Variants in PHLDB2 observed in about 807,000 individuals in gnomAD.
The protein encoded by PHLDB2 is pleckstrin homology like domain family B member 2.
A neutral mutation model predicts 123.6 loss-of-function variants in PHLDB2; 71 were observed. The observed-to-expected ratio is 0.57, with a 90% CI of 0.47 to 0.70. PHLDB2 has a LOEUF of 0.70. Ranked by LOEUF, PHLDB2 falls within the 30% of genes least tolerant of loss-of-function variation. The pLI is 0.00. For missense variants in PHLDB2, 1,446 were observed against 1,519.5 expected (o/e 0.95, Z 0.80); for synonymous variants, 547 against 541.6 (o/e 1.01, Z -0.14).
chr3:111,904,953 A>G (rs1366929826), intron 2 of PHLDB2, among the ~76,000 whole-genome samples: 1 of 152,198 alleles, frequency 6.6e-6, no homozygotes, highest in East Asian at 1.9e-4. Context: ...TGAGAAATGC[A>G]TTGTTAGATG....
intron 2 of PHLDB2, among the ~76,000 whole-genome samples, chr3:111,909,996 A>G (rs1253764257): frequency 6.6e-6 from 1 of 152,042 alleles, no homozygotes; most frequent in Non-Finnish European, 1.5e-5. Context: ...TGTTAGTTAC[A>G]AGGGCCCTTG....
chr3:111,974,259 G>T (rs991328442), intron 17 of PHLDB2, among the ~76,000 whole-genome samples, 164 bp from the exon 18 acceptor site: 2 of 152,176 alleles, frequency 1.3e-5, no homozygotes, highest in African/African-American at 4.8e-5. Context: ...GGTCAATCCT[G>T]AAAAAGGCTC....
intron 5 of PHLDB2, among the ~76,000 whole-genome samples, chr3:111,922,891 G>C (rs2175907): frequency 0.37 from 55,718 of 151,696 alleles, 10,699 homozygotes; most frequent in East Asian, 0.7. Flanking sequence ...TTCCATCAAA[G>C]ACCACTCCCT....
intron 1 of PHLDB2, among the ~76,000 whole-genome samples, chr3:111,810,325 C>T (rs1188393587): frequency 6.6e-6 from 1 of 152,192 alleles, no homozygotes; most frequent in Non-Finnish European, 1.5e-5. Flanking sequence ...TCTTAATCTC[C>T]TCAGGCTGCC....
chr3:111,809,517 C>A (rs2061737253), intron 1 of PHLDB2, among the ~76,000 whole-genome samples: 2 of 152,164 alleles, frequency 1.3e-5, no homozygotes, highest in East Asian at 3.9e-4. Context: ...TCCACAAACA[C>A]CCACATACTT....
intron 1 of PHLDB2, among the ~76,000 whole-genome samples, chr3:111,869,787 T>C (rs1421769933): frequency 6.6e-6 from 1 of 152,224 alleles, no homozygotes; most frequent in Non-Finnish European, 1.5e-5. Context: ...TCTGAAAGAA[T>C]AAACAAGCCT....
chr3:111,775,312 C>G (rs1279357495), intron 1 of PHLDB2, among the ~76,000 whole-genome samples: 1 of 152,118 alleles, frequency 6.6e-6, no homozygotes, highest in East Asian at 1.9e-4. Flanking sequence ...CAGGTCTAAT[C>G]TATTCAGTTG....
At chr3:111,803,080 A>G (rs1313243695) in intron 1 of PHLDB2, among the ~76,000 whole-genome samples, 2 of 152,222 alleles carry the variant, frequency 1.3e-5, no homozygotes, top group East Asian at 3.8e-4. Flanking sequence ...AAAAGCAGAA[A>G]TGATCTATAT....
chr3:111,879,970 C>T (rs373429944), intron 1 of PHLDB2, among the ~76,000 whole-genome samples: 44 of 144,552 alleles, frequency 3.0e-4, no homozygotes, highest in African/African-American at 1.1e-3. Context: ...TATCTTGAAA[C>T]CCTTTACCCA....
At chr3:111,743,194 A>G (rs956795744) in intron 1 of PHLDB2, among the ~76,000 whole-genome samples, 1 of 152,180 alleles carries the variant, frequency 6.6e-6, no homozygotes, top group African/African-American at 2.4e-5. Context: ...AAATTACAAG[A>G]GTAGAGACAG....
At chr3:111,795,067 T>C (rs1169609794) in intron 1 of PHLDB2, among the ~76,000 whole-genome samples, 1 of 152,220 alleles carries the variant, frequency 6.6e-6, no homozygotes, top group African/African-American at 2.4e-5. Flanking sequence ...TATTCTCAAA[T>C]CTACCAGTTC....
chr3:111,913,489 T>G lies in PHLDB2; in HGVS notation c.1506T>G (p.Pro502=). ...ESVFEEALMS[P]DTRYRCHRKD... ...TGTTTGAGGAAGCCCTCATGAGCCC[T>G]GACACAAGATACAGGTGCCACCGGA... Residue 502 remains proline (P), a synonymous_variant, in exon 3 of 18, where the codon CCT becomes CCG. Transcript: ENST00000431670. The G allele has an allele frequency of 1.2e-6, 2 of 1,614,064 alleles. No individual in the cohort carries two copies. Among genetic ancestry groups the G allele is most frequent in the Non-Finnish European group, 1.7e-6 (2 of 1,180,008 alleles).
chr3:111,956,595 A>C lies in PHLDB2; in HGVS notation c.2872+2566A>C, dbSNP rs535411415. 1.1e-4 allele frequency among the ~76,000 whole-genome samples: 17 copies of C among 152,304 alleles called. No homozygotes were observed. In the East Asian group the frequency reaches 3.3e-3, roughly 29 times the overall value. On this transcript the variant is annotated intron_variant, in intron 12 of 17. Coordinates refer to ENST00000431670, the MANE Select transcript of PHLDB2 (RefSeq NM_001134438.2). ...CTCTTCCTCTTGAAGAGTTTCATGT[A>C]ATTCTGATGGGGCAGCTTCTGAGGA...
intron 1 of PHLDB2, among the ~76,000 whole-genome samples, chr3:111,739,159 G>A (rs919201686): frequency 3.3e-5 from 5 of 152,128 alleles, no homozygotes; most frequent in Admixed American, 3.3e-4. Flanking sequence ...AATTTATCTA[G>A]GGAGATCATT....
At chr3:111,874,770 A>G (rs531963661) in intron 1 of PHLDB2, among the ~76,000 whole-genome samples, 16 of 152,220 alleles carry the variant, frequency 1.1e-4, no homozygotes, top group Non-Finnish European at 2.2e-4. Flanking sequence ...AGTGAGTAAC[A>G]CTAATGCCTG....
chr3:111,803,105 T>A (rs12630066), intron 1 of PHLDB2, among the ~76,000 whole-genome samples: 6,779 of 152,284 alleles, frequency 0.045, 571 homozygotes, highest in East Asian at 0.36. Context: ...ATAGTCTATA[T>A]GGCCATCTCT....
intron 1 of PHLDB2, among the ~76,000 whole-genome samples, chr3:111,816,677 C>T (rs1254748205): frequency 3.9e-5 from 6 of 152,122 alleles, no homozygotes; most frequent in African/African-American, 7.2e-5. Context: ...GATTAGATGT[C>T]GGACTGTGAA....
intron 2 of PHLDB2, among the ~76,000 whole-genome samples, chr3:111,847,592 C>G (rs2064052672): frequency 6.6e-6 from 1 of 152,172 alleles, no homozygotes. Context: ...AATGCACAGT[C>G]TTGGATTTGA....
chr3:111,916,144 G>A (rs915450271), intron 3 of PHLDB2: 5 of 152,204 alleles, frequency 3.3e-5, no homozygotes, highest in Admixed American at 2.6e-4. Flanking sequence ...CTTGGCAGAT[G>A]TTTTTAATTG....
Sources: allele counts gnomAD v4.1 joint callset (sites outside exome capture counted in the v4.1 genomes callset), GRCh38; gene constraint gnomAD v4.1.1; transcripts MANE v1.5; gene names NCBI Gene and HGNC (gene_info 2026-07-23, HGNC 2026-07-21).